Variants in SNTG1 observed in about 807,000 individuals in gnomAD.
SNTG1 encodes gamma-1-syntrophin.
In SNTG1, 39 loss-of-function variants were observed where a neutral mutation model predicts 74.7. The ratio of observed to expected loss-of-function variants is 0.52; its 90% CI spans 0.40 to 0.68. The LOEUF (loss-of-function observed/expected upper bound fraction) is 0.68, where lower values mean the gene tolerates loss of function less well. SNTG1 is among the 30% of genes least tolerant of loss of function. The pLI, the probability that SNTG1 is intolerant of heterozygous loss-of-function variation, is 0.00. For missense variants in SNTG1, 685 were observed against 609.5 expected (o/e 1.12, Z -1.30); for synonymous variants, 254 against 217.1 (o/e 1.17, Z -1.49).
At chr8:50,001,726 A>C (rs189614066) in intron 1 of SNTG1, among the ~76,000 whole-genome samples, 1 of 152,342 alleles carries the variant, frequency 6.6e-6, no homozygotes, top group East Asian at 1.9e-4. Flanking sequence ...TCTGAGAATC[A>C]GGAAGTAGCA....
At chr8:50,753,870 C>T (rs2095573724) in intron 18 of SNTG1, among the ~76,000 whole-genome samples, 1 of 151,858 alleles carries the variant, frequency 6.6e-6, no homozygotes, top group Non-Finnish European at 1.5e-5. Context: ...CAGCATCTCC[C>T]TTTATAAAAT....
chr8:50,003,710 G>C (rs937201667), intron 1 of SNTG1, among the ~76,000 whole-genome samples: 2 of 152,090 alleles, frequency 1.3e-5, no homozygotes, highest in African/African-American at 4.8e-5. Context: ...TCTCTCAAGA[G>C]GATCTGCTCT....
intron 1 of SNTG1, among the ~76,000 whole-genome samples, chr8:50,112,508 GTTCTTTCTTTTTTTTTT>G (rs1459325742): frequency 1.8e-5 from 2 of 108,688 alleles, no homozygotes; most frequent in African/African-American, 3.3e-5. Flanking sequence ...CAAGTATTTA[GTTCTTTCTTTTTTTTTT>G]TTTTTTTTTT....
intron 1 of SNTG1, among the ~76,000 whole-genome samples, chr8:49,977,273 G>GT (rs151332264): frequency 0.11 from 16,684 of 150,056 alleles, 1,291 homozygotes; most frequent in African/African-American, 0.2. Flanking sequence ...AATTTAGACT[G>GT]TTTTTTTTTC....
chr8:50,518,120 G>A (rs72643615), intron 9 of SNTG1, among the ~76,000 whole-genome samples: 4,015 of 151,866 alleles, frequency 0.026, 72 homozygotes, highest in Middle Eastern at 0.044. Context: ...AAGATCATAC[G>A]GCAATCAAAT....
chr8:50,261,389 T>A (rs1321567881), intron 2 of SNTG1, among the ~76,000 whole-genome samples: 1 of 152,184 alleles, frequency 6.6e-6, no homozygotes, highest in African/African-American at 2.4e-5. Context: ...AGCCCTATCT[T>A]ACAATGAATG....
chr8:50,574,169 T>TA lies in SNTG1; in HGVS notation c.811-16704dup, dbSNP rs375771461. Among the ~76,000 whole-genome samples the TA allele has an allele frequency of 1.4e-3, 212 of 152,142 alleles. 1 individual carries two copies. Among genetic ancestry groups the TA allele is most frequent in the African/African-American group, 4.7e-3 (197 of 41,564 alleles). The stretch of plus-strand genomic sequence containing the variant: ...ATTACCAAGGTCTGATTGCAAAAAC[T>TA]AAAAAAGACTGCAGCCTCAGGCATA... On this transcript the variant is annotated intron_variant, in intron 12 of 18. Coordinates refer to ENST00000642720, the MANE Select transcript of SNTG1 (RefSeq NM_018967.5).
chr8:50,429,900 C>T (rs1031154878), intron 4 of SNTG1, among the ~76,000 whole-genome samples: 2 of 151,886 alleles, frequency 1.3e-5, no homozygotes, highest in Non-Finnish European at 2.9e-5. Flanking sequence ...TACATCAAAA[C>T]CATTATATAC....
At chr8:50,364,918 A>G (rs1024224177) in intron 2 of SNTG1, among the ~76,000 whole-genome samples, 2 of 152,004 alleles carry the variant, frequency 1.3e-5, no homozygotes, top group Non-Finnish European at 2.9e-5. Context: ...TATTTTTTCA[A>G]ACAGAAAAAA....
At chr8:50,440,884 TA>T (rs2093351876) in intron 5 of SNTG1, among the ~76,000 whole-genome samples, 1 of 152,202 alleles carries the variant, frequency 6.6e-6, no homozygotes, top group African/African-American at 2.4e-5. Flanking sequence ...AGTTTTATGT[TA>T]AAAACACATT....
At chr8:50,469,315 T>A (rs919858679) in intron 8 of SNTG1, among the ~76,000 whole-genome samples, 1 of 152,136 alleles carries the variant, frequency 6.6e-6, no homozygotes, top group Non-Finnish European at 1.5e-5. Flanking sequence ...TTTCTCCTCT[T>A]GTTTTCTTGG....
chr8:50,505,892 T>C (rs1475937126), intron 9 of SNTG1, among the ~76,000 whole-genome samples: 1 of 152,116 alleles, frequency 6.6e-6, no homozygotes, highest in Non-Finnish European at 1.5e-5. Flanking sequence ...CTAATGCCTG[T>C]GTTTTTGGTG....
intron 15 of SNTG1, among the ~76,000 whole-genome samples, chr8:50,682,462 G>T (rs572418778): frequency 1.8e-3 from 272 of 152,266 alleles, no homozygotes; most frequent in African/African-American, 6.3e-3. Context: ...ATTAGAGCTG[G>T]TGGGAAAGTT....
chr8:50,541,507 C>G (rs925173340), intron 11 of SNTG1, among the ~76,000 whole-genome samples: 5 of 151,916 alleles, frequency 3.3e-5, no homozygotes, highest in Non-Finnish European at 5.9e-5. Flanking sequence ...ATATATGATA[C>G]TATATAACCT....
intron 2 of SNTG1, among the ~76,000 whole-genome samples, chr8:50,196,362 T>C (rs2083768288): frequency 6.6e-6 from 1 of 152,192 alleles, no homozygotes; most frequent in Non-Finnish European, 1.5e-5. Flanking sequence ...ATGAAATGAT[T>C]TGTGAAAACT....
rs58233516 is a variant in SNTG1, at chr8:50,333,110, G to A, written c.-27-61102G>A. Among the ~76,000 whole-genome samples, 1,390 of 152,272 alleles carry A rather than the reference G, an allele frequency of 9.1e-3. 26 individuals are homozygous for A. Among genetic ancestry groups the A allele is most frequent in the African/African-American group, 0.032 (1,318 of 41,562 alleles). On this transcript the variant is annotated intron_variant, in intron 2 of 18. Transcript: ENST00000642720. ...AAGTCATTGCTAACTTTGTAAAAAC[G>A]TAATATATACTCAAGACTCAGCCTG...
At chr8:50,697,030 G>C (rs79854579) in intron 15 of SNTG1, among the ~76,000 whole-genome samples, 1 of 151,850 alleles carries the variant, frequency 6.6e-6, no homozygotes, top group Non-Finnish European at 1.5e-5. Flanking sequence ...AAATTGTTTT[G>C]GGAAATATGG....
chr8:50,487,876 A>G (rs1320926283), intron 8 of SNTG1, among the ~76,000 whole-genome samples: 3 of 152,188 alleles, frequency 2.0e-5, no homozygotes, highest in African/African-American at 4.8e-5. Context: ...CTCTAGAACT[A>G]AAGGGCTTTA....
chr8:50,224,570 T>C (rs547469847), intron 2 of SNTG1, among the ~76,000 whole-genome samples: 4 of 152,280 alleles, frequency 2.6e-5, no homozygotes, highest in African/African-American at 7.2e-5. Flanking sequence ...CTGAATGCAG[T>C]TGTAAACCAA....
Sources: gnomAD v4.1 joint callset for allele counts (sites outside exome capture counted in the v4.1 genomes callset) on GRCh38, gnomAD v4.1.1 for gene constraint, MANE v1.5 for transcripts, NCBI Gene and HGNC (gene_info 2026-07-23, HGNC 2026-07-21) for gene names.